The following IFNGR1 variants were observed in gnomAD, a reference collection of about 807,000 sequenced individuals.
IFNGR1 encodes the protein interferon gamma receptor 1.
Under a neutral mutation model 35.4 loss-of-function variants are expected in IFNGR1, and 23 were observed. The ratio of observed to expected loss-of-function variants is 0.65; its 90% CI spans 0.47 to 0.92. The LOEUF (loss-of-function observed/expected upper bound fraction) is 0.92. Ranked by LOEUF, IFNGR1 falls within the 40% of genes least tolerant of loss-of-function variation. IFNGR1 has a pLI of 0.00. For missense variants in IFNGR1, 533 were observed against 583.4 expected (o/e 0.91, Z 0.89); for synonymous variants, 199 against 209.5 (o/e 0.95, Z 0.43).
intron 3 of IFNGR1, 150 bp downstream of exon 3, chr6:137,205,986 G>C: frequency 3.0e-6 from 2 of 664,886 alleles, no homozygotes; most frequent in South Asian, 4.0e-5. Flanking sequence ...TCTAGACTTG[G>C]GATGCTCAAC....
intron 1 of IFNGR1, among the ~76,000 whole-genome samples, chr6:137,208,350 A>G (rs774276186): frequency 6.6e-6 from 1 of 152,244 alleles, no homozygotes; most frequent in African/African-American, 2.4e-5. Flanking sequence ...AAGTAGCAAG[A>G]AGCCTAATGT....
intron 1 of IFNGR1, among the ~76,000 whole-genome samples, chr6:137,211,356 TCAAA>T (rs1406732194): frequency 6.6e-6 from 1 of 152,204 alleles, no homozygotes; most frequent in African/African-American, 2.4e-5. Flanking sequence ...ATGGCTCCCC[TCAAA>T]CAAATGAATA....
At chr6:137,218,466 T>C in intron 1 of IFNGR1, 1 of 1,287,378 alleles carries the variant, frequency 7.8e-7, no homozygotes, top group Non-Finnish European at 1.0e-6. Context: ...AATCTGCTAG[T>C]GAGTGCCGGC....
intron 3 of IFNGR1, among the ~76,000 whole-genome samples, chr6:137,205,104 A>AGTAG (rs1157230301): frequency 1.3e-5 from 2 of 152,194 alleles, no homozygotes; most frequent in African/African-American, 4.8e-5. Context: ...TCCGGCACGT[A>AGTAG]GTAGGCCCTT....
chr6:137,204,389 G>C lies in IFNGR1; in HGVS notation c.489C>G (p.Pro163=), dbSNP rs41288981. The part of the protein sequence containing the change: ...NGDEQEVDYD[P]ETTCYIRVYN... Reference sequence around the variant, plus strand: ...ACACCCTAATGTAACAGGTAGTTTCGGGATCATAATCGACTTCCTGCTCGT... The same window carrying C: ...ACACCCTAATGTAACAGGTAGTTTCCGGATCATAATCGACTTCCTGCTCGT... Residue 163 remains proline, a synonymous_variant, in exon 4 of 7, where the codon CCC becomes CCG. Coordinates refer to ENST00000367739, the MANE Select transcript of IFNGR1 (RefSeq NM_000416.3). The C allele has an allele frequency of 1.4e-5, 23 of 1,613,734 alleles. No individual in the cohort carries two copies. The East Asian group carries it at 1.6e-4, about 11-fold the overall frequency.
chr6:137,207,579 T>C (rs1343025721), intron 1 of IFNGR1, among the ~76,000 whole-genome samples: 1 of 152,178 alleles, frequency 6.6e-6, no homozygotes, highest in African/African-American at 2.4e-5. Context: ...TTTCCTGTGC[T>C]ATTTTCGTGA....
In IFNGR1 at chr6:137,219,319, G is replaced by C. The variant is rs773885039; in HGVS notation, c.9C>G (p.Leu3=). Residue 3 remains leucine (L), a synonymous_variant, in exon 1 of 7, where the codon CTC becomes CTG. Transcript: ENST00000367739. MA[L]LFLLPLVMQG... is the part of the protein sequence containing the mutation. ...GCATGACAAGGGGTAGGAGAAAGAG[G>C]AGAGCCATGCTGCTACCGACGGTCG... 6.2e-7 allele frequency: 1 copy of C among 1,608,280 alleles called. No homozygotes were observed. The highest frequency in any genetic ancestry group is 2.2e-5 in the East Asian group (1 of 44,608).
intron 5 of IFNGR1, 138 bp downstream of exon 5, chr6:137,203,361 C>A: frequency 1.5e-6 from 1 of 666,792 alleles, no homozygotes; most frequent in Non-Finnish European, 2.7e-6. Flanking sequence ...TTTTGAACTT[C>A]TCTAAGGAAT....
At chr6:137,218,556 T>A in intron 1 of IFNGR1, 1 of 1,279,908 alleles carries the variant, frequency 7.8e-7, no homozygotes, top group Non-Finnish European at 1.0e-6. Context: ...GCTGGCGACA[T>A]AATGCATACT....
intron 5 of IFNGR1, 57 bp downstream of exon 5, chr6:137,203,442 G>T: frequency 1.1e-6 from 1 of 892,766 alleles, no homozygotes; most frequent in South Asian, 1.3e-5. Flanking sequence ...TTCCTCACAT[G>T]ATCCTATTTT....
At chr6:137,209,745 C>A (rs1779531723) in intron 1 of IFNGR1, 2 of 398,276 alleles carry the variant, frequency 5.0e-6, no homozygotes, top group Admixed American at 4.4e-5. Context: ...GAACTGGCTA[C>A]AATGAGGATG....
intron 6 of IFNGR1, 57 bp downstream of exon 6, chr6:137,200,824 T>C: frequency 7.5e-7 from 1 of 1,333,500 alleles, no homozygotes; most frequent in Non-Finnish European, 1.0e-6. Context: ...TTTAAGAAAC[T>C]ATCAAAAAAG....
chr6:137,213,049 T>C (rs573151451), intron 1 of IFNGR1, among the ~76,000 whole-genome samples: 1 of 152,358 alleles, frequency 6.6e-6, no homozygotes, highest in South Asian at 2.1e-4. Context: ...CCAAATATTA[T>C]TTGCCAAAAT....
intron 3 of IFNGR1, 112 bp downstream of exon 3, chr6:137,206,024 G>A: frequency 3.4e-6 from 3 of 881,902 alleles, no homozygotes; most frequent in Non-Finnish European, 5.6e-6. Context: ...TCCTCCAAGT[G>A]TTTCTTAAGC....
intron 5 of IFNGR1, among the ~76,000 whole-genome samples, 170 bp downstream of exon 5, chr6:137,203,329 T>C (rs1436192930): frequency 6.6e-6 from 1 of 152,208 alleles, no homozygotes; most frequent in Non-Finnish European, 1.5e-5. Context: ...TTTAAATGTG[T>C]GAGAAACTGC....
chr6:137,199,270 C>A (rs950227211), intron 6 of IFNGR1, among the ~76,000 whole-genome samples: 1 of 121,500 alleles, frequency 8.2e-6, no homozygotes, highest in Admixed American at 1.0e-4. Flanking sequence ...AAATAAACTC[C>A]CCTTTATATA....
At chr6:137,211,815 C>T (rs1779580820) in intron 1 of IFNGR1, among the ~76,000 whole-genome samples, 2 of 152,200 alleles carry the variant, frequency 1.3e-5, no homozygotes, top group African/African-American at 4.8e-5. Context: ...CATTCCTCTT[C>T]ACCTGGGTTC....
At chr6:137,201,713 G>C (rs111586598) in intron 5 of IFNGR1, among the ~76,000 whole-genome samples, 2 of 151,866 alleles carry the variant, frequency 1.3e-5, no homozygotes, top group African/African-American at 4.8e-5. Flanking sequence ...AAGAAATTCT[G>C]GCAATGTTTA....
chr6:137,215,145 T>C, intron 1 of IFNGR1: 1 of 1,225,224 alleles, frequency 8.2e-7, no homozygotes, highest in African/African-American at 1.5e-5. Flanking sequence ...ATTTTACCAA[T>C]GAGAAAACAA....
Sources: gnomAD v4.1 joint callset for allele counts (sites outside exome capture counted in the v4.1 genomes callset) on GRCh38, gnomAD v4.1.1 for gene constraint, MANE v1.5 for transcripts, NCBI Gene and HGNC (gene_info 2026-07-23, HGNC 2026-07-21) for gene names.